Variants in BBS12 observed in about 807,000 individuals in gnomAD.
The protein encoded by BBS12 is Bardet-Biedl syndrome 12, also known as chaperonin-containing T-complex member BBS12.
A neutral mutation model predicts 5.6 loss-of-function variants in BBS12; 5 were observed. The ratio of observed to expected loss-of-function variants is 0.89; its 90% CI spans 0.46 to 1.86. The LOEUF (loss-of-function observed/expected upper bound fraction) is 1.86. Ranked by LOEUF, BBS12 falls within the 40% of genes most tolerant of loss-of-function variation. The probability of loss-of-function intolerance (pLI) is 0.01; values close to 1 mark genes in which losing one functional copy is unlikely to be tolerated. For missense variants in BBS12, 748 were observed against 830.4 expected, an observed-to-expected ratio of 0.90 and a Z score of 1.22; for synonymous variants, 308 against 306.8, an observed-to-expected ratio of 1.00 and a Z score of -0.04.
At chr4:122,719,041 G>C in the BBS12 span, among the ~76,000 whole-genome samples, 1 of 152,028 alleles carries the variant, frequency 6.6e-6, no homozygotes, top group Non-Finnish European at 1.5e-5. Flanking sequence ...GGATGGTCTC[G>C]ATCTCCTGAC....
chr4:122,712,249 A>T, the BBS12 span, among the ~76,000 whole-genome samples: 1 of 152,176 alleles, frequency 6.6e-6, no homozygotes, highest in African/African-American at 2.4e-5. Flanking sequence ...TCCTTCCTCT[A>T]TCTATACACA....
At chr4:122,733,859 CTTTTTTTTTTTT>C (rs35729794) in intron 1 of BBS12, 5 of 97,130 alleles carry the variant, frequency 5.1e-5, no homozygotes, top group East Asian at 3.1e-4. Context: ...TAACTTTAGT[CTTTTTTTTTTTT>C]TTTTTTTTTT....
At chr4:122,727,531 C>G in the BBS12 span, among the ~76,000 whole-genome samples, 2 of 130,120 alleles carry the variant, frequency 1.5e-5, no homozygotes, top group African/African-American at 3.0e-5. Context: ...GCATGAGCCA[C>G]CGCCCCTGGC....
chr4:122,725,008 A>G, the BBS12 span, among the ~76,000 whole-genome samples: 1 of 152,170 alleles, frequency 6.6e-6, no homozygotes, highest in Admixed American at 6.5e-5. Flanking sequence ...TTTTACTCTT[A>G]GAATTAGGCT....
the BBS12 span, among the ~76,000 whole-genome samples, chr4:122,703,682 A>T: frequency 6.6e-6 from 1 of 152,202 alleles, no homozygotes; most frequent in Non-Finnish European, 1.5e-5. Flanking sequence ...AACCTGACTT[A>T]ATAGGAAAGT....
At chr4:122,716,536 T>TAC in the BBS12 span, among the ~76,000 whole-genome samples, 1 of 148,770 alleles carries the variant, frequency 6.7e-6, no homozygotes, top group African/African-American at 2.5e-5. Flanking sequence ...TATTTATATA[T>TAC]ACATATGTGT....
upstream of BBS12, among the ~76,000 whole-genome samples, chr4:122,728,222 T>C (rs1800649356): frequency 6.6e-6 from 1 of 152,208 alleles, no homozygotes; most frequent in Admixed American, 6.5e-5. Flanking sequence ...GATATTAATT[T>C]AAGCAAAACG....
At chr4:122,703,810 ATTT>A in the BBS12 span, among the ~76,000 whole-genome samples, 1 of 152,206 alleles carries the variant, frequency 6.6e-6, no homozygotes, top group Non-Finnish European at 1.5e-5. Context: ...TGAGTCTTTT[ATTT>A]TTAATTAATT....
intron 1 of BBS12, among the ~76,000 whole-genome samples, chr4:122,738,876 C>T (rs1000636463): frequency 6.6e-6 from 1 of 152,148 alleles, no homozygotes; most frequent in African/African-American, 2.4e-5. Context: ...GTTCAGTATA[C>T]TGGACTGAAT....
upstream of BBS12, chr4:122,730,951 T>G (rs1800689424): frequency 6.6e-6 from 1 of 152,206 alleles, no homozygotes. Flanking sequence ...TTCATCTTTT[T>G]TACTCTTTTA....
intron 1 of BBS12, among the ~76,000 whole-genome samples, chr4:122,739,934 A>C (rs986348167): frequency 2.0e-5 from 3 of 152,234 alleles, no homozygotes; most frequent in African/African-American, 7.2e-5. Flanking sequence ...GTTTTCTTTA[A>C]GTGAATGAAG....
At chr4:122,702,556 G>A in the BBS12 span, among the ~76,000 whole-genome samples, 2 of 152,194 alleles carry the variant, frequency 1.3e-5, no homozygotes, top group Admixed American at 1.3e-4. Flanking sequence ...TTGGAAAAGA[G>A]GATGCTGGCT....
At chr4:122,741,342 A>C (rs1676184412) in intron 1 of BBS12, among the ~76,000 whole-genome samples, 1 of 152,130 alleles carries the variant, frequency 6.6e-6, no homozygotes, top group African/African-American at 2.4e-5. Context: ...GCGTGCCACC[A>C]CACCCGGCCA....
At chr4:122,740,184 A>T (rs1301646443) in intron 1 of BBS12, among the ~76,000 whole-genome samples, 1 of 152,098 alleles carries the variant, frequency 6.6e-6, no homozygotes, top group East Asian at 1.9e-4. Flanking sequence ...GAGGTGGGAG[A>T]ATCACCTAAG....
At chr4:122,734,235 T>C (rs1800750998) in intron 1 of BBS12, 1 of 152,124 alleles carries the variant, frequency 6.6e-6, no homozygotes, top group African/African-American at 2.4e-5. Flanking sequence ...TTATCTCACT[T>C]GGAAAGTTGC....
At chr4:122,728,135 C>T (rs1169423351), upstream of BBS12, among the ~76,000 whole-genome samples, 2 of 152,074 alleles carry the variant, frequency 1.3e-5, no homozygotes, top group Non-Finnish European at 2.9e-5. Context: ...AATTAAAATG[C>T]ATATTGATTT....
At chr4:122,705,860 G>A in the BBS12 span, among the ~76,000 whole-genome samples, 1 of 152,170 alleles carries the variant, frequency 6.6e-6, no homozygotes, top group Non-Finnish European at 1.5e-5. Context: ...CTTGCCCATA[G>A]AAACAATATT....
chr4:122,714,567 G>C, the BBS12 span, among the ~76,000 whole-genome samples: 78 of 152,080 alleles, frequency 5.1e-4, no homozygotes, highest in Admixed American at 1.3e-4. Flanking sequence ...ATCACATGAG[G>C]TCAGGAGTTC....
At chr4:122,723,072 TATTAAA>T in the BBS12 span, among the ~76,000 whole-genome samples, 1 of 152,202 alleles carries the variant, frequency 6.6e-6, no homozygotes, top group Non-Finnish European at 1.5e-5. Flanking sequence ...TTTTCTCTCC[TATTAAA>T]ATTATTACAT....
Sources: allele counts gnomAD v4.1 joint callset (sites outside exome capture counted in the v4.1 genomes callset), GRCh38; gene constraint gnomAD v4.1.1; transcripts MANE v1.5; gene names NCBI Gene and HGNC (gene_info 2026-07-23, HGNC 2026-07-21).